Variants in DNAJC13 observed in about 807,000 individuals in gnomAD.
DNAJC13 encodes the protein dnaJ homolog subfamily C member 13.
A neutral mutation model predicts 290.5 loss-of-function variants in DNAJC13; 75 were observed. The observed-to-expected ratio is 0.26, with a 90% CI of 0.21 to 0.31. DNAJC13 has a LOEUF of 0.31. Ranked by LOEUF, DNAJC13 falls within the 10% of genes least tolerant of loss-of-function variation. The probability of loss-of-function intolerance (pLI) is 1.00; values close to 1 mark genes in which losing one functional copy is unlikely to be tolerated. For missense variants in DNAJC13, 2,260 were observed against 2,674.5 expected, an observed-to-expected ratio of 0.85 and a Z score of 3.42; for synonymous variants, 862 against 892.0, an observed-to-expected ratio of 0.97 and a Z score of 0.60.
chr3:132,473,865 A>C (rs1279252541), intron 21 of DNAJC13, among the ~76,000 whole-genome samples: 1 of 152,240 alleles, frequency 6.6e-6, no homozygotes, highest in Non-Finnish European at 1.5e-5. Context: ...CAGTATGTAC[A>C]TAGTATATCC....
chr3:132,423,162 A>C (rs1185472615), intron 1 of DNAJC13, among the ~76,000 whole-genome samples: 1 of 152,048 alleles, frequency 6.6e-6, no homozygotes, highest in African/African-American at 2.4e-5. Flanking sequence ...GGCTGTGGTG[A>C]CGTGTGCTCG....
intron 30 of DNAJC13, among the ~76,000 whole-genome samples, chr3:132,488,736 TAA>T (rs1263265278): frequency 6.6e-6 from 1 of 152,130 alleles, no homozygotes; most frequent in East Asian, 1.9e-4. Flanking sequence ...TTTGCTTTCT[TAA>T]AGTTTAATAA....
chr3:132,486,252 G>C (rs1485957252), intron 29 of DNAJC13, among the ~76,000 whole-genome samples: 1 of 151,504 alleles, frequency 6.6e-6, no homozygotes, highest in Admixed American at 6.6e-5. Context: ...TTTCCTGTGG[G>C]GCCATGTGGC....
chr3:132,527,470 CTT>C (rs930866286), intron 53 of DNAJC13, among the ~76,000 whole-genome samples: 20 of 152,168 alleles, frequency 1.3e-4, no homozygotes, highest in Non-Finnish European at 2.4e-4. Context: ...AAGGTTCAGA[CTT>C]ATGATTGGCT....
chr3:132,496,528 G>A lies in DNAJC13; in HGVS notation c.4021G>A (p.Asp1341Asn). The A allele has an allele frequency of 6.3e-7, 1 of 1,597,250 alleles. No homozygotes were observed. The stretch of plus-strand genomic sequence containing the variant: ...TTAAATTATCTTCTGTTACATACAG[G>A]ACATGTTTGAAAAAGTAAATAAAGC... Reference protein sequence around the residue: ...YHPDKNPEGRDMFEKVNKAYE... With the variant: ...YHPDKNPEGRNMFEKVNKAYE... Residue 1341 changes from aspartate to asparagine, a missense_variant and splice_region_variant, in exon 36 of 56, where the codon GAC becomes AAC. Asp to Asn is a conservative substitution (Grantham distance 23). Transcript: ENST00000260818.
At chr3:132,498,886 T>C (rs1291968100) in intron 36 of DNAJC13, among the ~76,000 whole-genome samples, 1 of 151,886 alleles carries the variant, frequency 6.6e-6, no homozygotes, top group Non-Finnish European at 1.5e-5. Context: ...CGGCTAACTT[T>C]TTTGTGTTTT....
In DNAJC13 at chr3:132,465,934, A is replaced by C. The variant is rs537415475; in HGVS notation, c.1893-61A>C. ...ATTATGTGATATTTTGTTCTTAAAAATTCCTTTCTGTTCTAGCTGAGATAA... is the reference window on the plus strand; with the variant it reads ...ATTATGTGATATTTTGTTCTTAAAACTTCCTTTCTGTTCTAGCTGAGATAA... On this transcript the variant is annotated intron_variant, in intron 17 of 55. Transcript: ENST00000260818. 58 of 1,119,802 alleles carry C rather than the reference A, an allele frequency of 5.2e-5. 1 individual carries two copies. The South Asian group carries it at 9.0e-4, about 17-fold the overall frequency. The allele number at this position is 1,119,802 out of a possible 1,614,324, so 69.4% of individuals were successfully genotyped here. A position where few individuals can be genotyped will look rare whatever the true frequency, so the allele number is the denominator to read the frequency against.
chr3:132,457,463 CTTG>C lies in DNAJC13; in HGVS notation c.1449+98_1449+100del, dbSNP rs1311911028. The C allele has an allele frequency of 7.2e-6, 7 of 974,846 alleles. No homozygotes were observed. The East Asian group carries it at 1.3e-4, about 18-fold the overall frequency. 60.4% of individuals were successfully genotyped at this position (974,846 alleles called of 1,614,324 possible). ...CAGATTTTCATTGTACCAATAAGTTCTTGTTTCTGTTTCATAAATTGTTCTCAT... is the reference window on the plus strand; with the variant it reads ...CAGATTTTCATTGTACCAATAAGTTCTTTCTGTTTCATAAATTGTTCTCAT... On this transcript the variant is annotated intron_variant, in intron 13 of 55. Transcript: ENST00000260818.
intron 1 of DNAJC13, among the ~76,000 whole-genome samples, chr3:132,421,688 C>T (rs1292263850): frequency 6.6e-6 from 1 of 152,002 alleles, no homozygotes; most frequent in Admixed American, 6.6e-5. Flanking sequence ...GATCCACCCA[C>T]CCAGGCCTCC....
intron 43 of DNAJC13, among the ~76,000 whole-genome samples, chr3:132,508,127 G>C (rs949404218): frequency 2.6e-5 from 4 of 152,178 alleles, no homozygotes; most frequent in African/African-American, 9.7e-5. Flanking sequence ...TAAGACAAAG[G>C]CTAATTGAGA....
chr3:132,451,954 G>A (rs570196917), intron 6 of DNAJC13, among the ~76,000 whole-genome samples: 1 of 152,138 alleles, frequency 6.6e-6, no homozygotes, highest in Non-Finnish European at 1.5e-5. Flanking sequence ...GTAAACCTCT[G>A]TGTGTTACCT....
rs148132195 is a variant in DNAJC13, at chr3:132,477,871, A to G, written c.2528A>G (p.Glu843Gly). ...RLLLEEDENE[E>G]SGSIKRSYEF... Reference sequence around the variant, plus strand: ...CTATTGGAGGAAGATGAGAATGAAGAAAGTGGATCAATTAAGAGATCGTGA... The same window carrying G: ...CTATTGGAGGAAGATGAGAATGAAGGAAGTGGATCAATTAAGAGATCGTGA... The change falls in exon 23 of 56, where the codon GAA becomes GGA. Residue 843 changes from glutamate (E) to glycine (G), a missense_variant. By Grantham distance (98) the Glu-to-Gly change is moderately conservative. Around this residue, in one of 3 missense-constraint regions of DNAJC13, gnomAD observed 1,494 missense variants for 1,693.7 expected, o/e 0.88. Transcript: ENST00000260818. 71 of 1,613,060 alleles carry G rather than the reference A, an allele frequency of 4.4e-5. No individual in the cohort carries two copies. The highest frequency in any genetic ancestry group is 5.0e-5 in the Non-Finnish European group (59 of 1,179,604).
chr3:132,490,997 A>G lies in DNAJC13; in HGVS notation c.3569A>G (p.Glu1190Gly). The change falls in exon 32 of 56, where the codon GAG becomes GGG. Residue 1190 changes from glutamate (E) to glycine (G), a missense_variant. Glu to Gly is a moderately conservative substitution (Grantham distance 98). Transcript: ENST00000260818. ...LENYEPEKFS[E>G]IFLGEFDTPE... ...AATTATGAACCTGAAAAGTTTTCTG[A>G]GATTTTTCTAGGAGAATTTGATACT... is the stretch of plus-strand genomic sequence containing the variant. 2.5e-6 allele frequency: 4 copies of G among 1,612,910 alleles called. No homozygotes were observed. The highest frequency in any genetic ancestry group is 3.4e-6 in the Non-Finnish European group (4 of 1,179,478).
In DNAJC13 at chr3:132,531,135, C is replaced by A. The variant is rs1252256145; in HGVS notation, c.6625+38C>A. On this transcript the variant is annotated intron_variant, in intron 55 of 55. Coordinates refer to ENST00000260818, the MANE Select transcript of DNAJC13 (RefSeq NM_015268.4). ...TAATTGGTTATTGTAAGACACCTGG[C>A]AGAAGCCACTTGGACCTTCCTTTTG... 16 of 1,570,678 alleles carry A rather than the reference C, an allele frequency of 1.0e-5. No individual in the cohort carries two copies. The Admixed American group carries it at 1.7e-4, about 16-fold the overall frequency.
Position 132,499,171 on chromosome 3 carries a change from C to G in DNAJC13, c.4202C>G (p.Thr1401Ser). The G allele has an allele frequency of 1.2e-6, 2 of 1,613,918 alleles. No homozygotes were observed. The highest frequency in any genetic ancestry group is 1.7e-6 in the Non-Finnish European group (2 of 1,179,848). ...GCAGGATACCCCATGCTTATTCGGA[C>G]TATAACAATGGAAACTTCAGATGAC... Reference protein sequence around the residue: ...KYAGYPMLIRTITMETSDDLL... With the variant: ...KYAGYPMLIRSITMETSDDLL... The change falls in exon 37 of 56, where the codon ACT (threonine) becomes AGT (serine). Residue 1401 changes from threonine to serine, a missense_variant. Physicochemically the swap from Thr to Ser is moderately conservative, Grantham distance 58 (BLOSUM62 1). This residue lies in a region of DNAJC13 where 1,494 missense variants were observed against 1,693.7 expected (regional missense o/e 0.88). Coordinates refer to ENST00000260818, the MANE Select transcript of DNAJC13 (RefSeq NM_015268.4).
At chr3:132,439,619 T>C (rs1932983375) in intron 2 of DNAJC13, among the ~76,000 whole-genome samples, 1 of 152,196 alleles carries the variant, frequency 6.6e-6, no homozygotes, top group Non-Finnish European at 1.5e-5. Flanking sequence ...CGGAATCTTA[T>C]GTTTTTCACA....
rs114024380 is a variant in DNAJC13, at chr3:132,496,483, T to G, written c.4021-45T>G. 9,212 of 1,496,360 alleles carry G rather than the reference T, an allele frequency of 6.2e-3. 36 individuals are homozygous for G. Among genetic ancestry groups the G allele is most frequent in the Non-Finnish European group, 6.9e-3 (7,678 of 1,115,154 alleles). 92.7% of individuals were successfully genotyped at this position (1,496,360 alleles called of 1,614,324 possible). A position where few individuals can be genotyped will look rare whatever the true frequency, so the allele number is the denominator to read the frequency against. Reference sequence around the variant, plus strand: ...CATATGTCTTGTTTAAGTTGAATTTTGCGACATTCCAAATTAACGTTAAAT... The same window carrying G: ...CATATGTCTTGTTTAAGTTGAATTTGGCGACATTCCAAATTAACGTTAAAT... On this transcript the variant is annotated intron_variant, in intron 35 of 55. Coordinates refer to ENST00000260818, the MANE Select transcript of DNAJC13 (RefSeq NM_015268.4).
chr3:132,506,045 C>CTGTTT (rs1935573836), intron 42 of DNAJC13, among the ~76,000 whole-genome samples: 1 of 72,648 alleles, frequency 1.4e-5, no homozygotes, highest in Non-Finnish European at 2.7e-5. Context: ...TGTACATTAT[C>CTGTTT]TTTTTTTTTT....
rs926486244 is a variant in DNAJC13, at chr3:132,482,047, G to A, written c.2875-179G>A. Among the ~76,000 whole-genome samples, 5 of 152,138 alleles carry A rather than the reference G, an allele frequency of 3.3e-5. No homozygotes were observed. The South Asian group carries it at 8.3e-4, about 25-fold the overall frequency. Reference sequence around the variant, plus strand: ...AATAAGGAAATAGTTTTTTTGGACTGTTAGGTTAGGCATTTTGTCCTAAAC... The same window carrying A: ...AATAAGGAAATAGTTTTTTTGGACTATTAGGTTAGGCATTTTGTCCTAAAC... On this transcript the variant is annotated intron_variant, in intron 26 of 55. Transcript: ENST00000260818.
Sources: gnomAD v4.1 joint callset for allele counts (sites outside exome capture counted in the v4.1 genomes callset) on GRCh38, gnomAD v4.1.1 for gene constraint, gnomAD v4.1.1 regional missense constraint, MANE v1.5 for transcripts, NCBI Gene and HGNC (gene_info 2026-07-23, HGNC 2026-07-21) for gene names.